The following FHOD3 variants were observed in gnomAD, a reference collection of about 807,000 sequenced individuals.
FHOD3 encodes FH1/FH2 domain-containing protein 3.
In FHOD3, 90 loss-of-function variants were observed where a neutral mutation model predicts 173.0. That is an observed-to-expected ratio of 0.52 (90% CI 0.44 to 0.62). FHOD3 has a LOEUF of 0.62. FHOD3 is among the 20% of genes least tolerant of loss of function. The pLI, the probability that FHOD3 is intolerant of heterozygous loss-of-function variation, is 0.00. For synonymous variants in FHOD3, 828 were observed against 823.0 expected (o/e 1.01, Z -0.10); for missense variants, 1,945 against 2,034.7 (o/e 0.96, Z 0.85).
At chr18:36,694,664 C>T (rs2039157771) in intron 17 of FHOD3, among the ~76,000 whole-genome samples, 4 of 152,162 alleles carry the variant, frequency 2.6e-5, no homozygotes, top group Admixed American at 6.5e-5. Context: ...TGGTTCAGCA[C>T]TTTATCCTGG....
intron 3 of FHOD3, among the ~76,000 whole-genome samples, chr18:36,471,109 G>A (rs1300819860): frequency 6.6e-6 from 1 of 152,190 alleles, no homozygotes; most frequent in Non-Finnish European, 1.5e-5. Context: ...TAAAACAAAA[G>A]GCAGCGGGTA....
At chr18:36,589,525 C>A (rs915103781) in intron 6 of FHOD3, among the ~76,000 whole-genome samples, 2 of 152,162 alleles carry the variant, frequency 1.3e-5, no homozygotes, top group Non-Finnish European at 2.9e-5. Flanking sequence ...AATGCCGGAG[C>A]TGTCCTCTAA....
chr18:36,393,348 A>G (rs2048393115), intron 3 of FHOD3, among the ~76,000 whole-genome samples: 2 of 151,964 alleles, frequency 1.3e-5, no homozygotes, highest in Non-Finnish European at 2.9e-5. Context: ...CCACCTTGAC[A>G]CAATTGACAT....
intron 13 of FHOD3, among the ~76,000 whole-genome samples, chr18:36,656,626 GC>G (rs1307835375): frequency 6.6e-6 from 1 of 152,006 alleles, no homozygotes; most frequent in Admixed American, 6.5e-5. Context: ...TTAAAAAATA[GC>G]CCATTTTTAT....
At chr18:36,485,831 A>G (rs1373678447) in intron 3 of FHOD3, among the ~76,000 whole-genome samples, 1 of 152,196 alleles carries the variant, frequency 6.6e-6, no homozygotes, top group Non-Finnish European at 1.5e-5. Flanking sequence ...GCTGCCCATC[A>G]TAGGACCACA....
chr18:36,349,663 C>A (rs2046027178), intron 1 of FHOD3, among the ~76,000 whole-genome samples: 1 of 152,142 alleles, frequency 6.6e-6, no homozygotes, highest in South Asian at 2.1e-4. Context: ...ATTAAGCTAC[C>A]CCAGTAACAT....
rs35029828 is a variant in FHOD3 at position 36,760,591 on chromosome 18, T to TC, written c.4450-13dup. 5 of 1,545,880 alleles carry TC rather than the reference T, an allele frequency of 3.2e-6. No homozygotes were observed. Among genetic ancestry groups the TC allele is most frequent in the African/African-American group, 1.4e-5 (1 of 72,104 alleles). ...GGGGAGTCTCCCTCACCTGCTAACT[T>TC]CCCCTTGGTTTTGCAGTCTGGCAAG... On this transcript the variant is annotated splice_polypyrimidine_tract_variant and intron_variant, in intron 26 of 28. Transcript: ENST00000590592.
chr18:36,527,495 C>T (rs181507574), intron 5 of FHOD3, among the ~76,000 whole-genome samples: 62 of 152,272 alleles, frequency 4.1e-4, no homozygotes, highest in Middle Eastern at 3.4e-3. Context: ...GTTGTATGAC[C>T]GGGCAGCAAG....
intron 6 of FHOD3, among the ~76,000 whole-genome samples, chr18:36,582,771 C>T (rs75727043): frequency 0.013 from 1,952 of 152,314 alleles, 36 homozygotes; most frequent in African/African-American, 0.044. Flanking sequence ...GTCATTCTTC[C>T]ACAAATCCCA....
chr18:36,323,625 G>T (rs760752840), intron 1 of FHOD3, among the ~76,000 whole-genome samples: 25 of 152,252 alleles, frequency 1.6e-4, no homozygotes, highest in Non-Finnish European at 3.4e-4. Context: ...AGCACAAACT[G>T]CCAAGGCCAC....
intron 5 of FHOD3, among the ~76,000 whole-genome samples, chr18:36,553,137 G>A (rs2057730527): frequency 2.6e-5 from 4 of 152,152 alleles, no homozygotes; most frequent in Admixed American, 6.5e-5. Flanking sequence ...ATTTGCATAT[G>A]TTGAACCAGC....
intron 27 of FHOD3, among the ~76,000 whole-genome samples, chr18:36,768,314 C>T (rs1255213895): frequency 6.6e-6 from 1 of 152,250 alleles, no homozygotes; most frequent in Non-Finnish European, 1.5e-5. Flanking sequence ...AACTGTTTAA[C>T]ACTGCAGTTG....
intron 1 of FHOD3, among the ~76,000 whole-genome samples, chr18:36,299,676 C>G (rs1028115263): frequency 2.0e-5 from 3 of 152,198 alleles, no homozygotes; most frequent in African/African-American, 7.2e-5. Context: ...CCACTGCCCC[C>G]CTCCTCACCC....
chr18:36,565,660 A>G (rs1568434334), intron 5 of FHOD3, among the ~76,000 whole-genome samples: 1 of 152,226 alleles, frequency 6.6e-6, no homozygotes, highest in East Asian at 1.9e-4. Context: ...TTTGGTAGAA[A>G]TAAATAGGAA....
Position 36,681,227 on chromosome 18 carries a change from C to T in FHOD3, c.1836-209C>T, listed in dbSNP as rs687318. Among the ~76,000 whole-genome samples, 70,938 of 151,856 alleles carry T rather than the reference C, an allele frequency of 0.47. 16,769 individuals are homozygous for T. The highest frequency in any genetic ancestry group is 0.65 in the East Asian group (3,375 of 5,172). Reference sequence around the variant, plus strand: ...TATTTTCTGTCTGTTACCACCTTTTCTCCTGCGAGCACACTCACAGTATGA... The same window carrying T: ...TATTTTCTGTCTGTTACCACCTTTTTTCCTGCGAGCACACTCACAGTATGA... On this transcript the variant is annotated intron_variant, in intron 14 of 28. Transcript: ENST00000590592.
intron 10 of FHOD3, among the ~76,000 whole-genome samples, chr18:36,626,853 G>A (rs575044460): frequency 1.4e-4 from 22 of 152,280 alleles, no homozygotes; most frequent in African/African-American, 5.3e-4. Context: ...ACCAAGAGGT[G>A]CCCCAAACAA....
At chr18:36,696,304 A>G (rs1370684115) in intron 17 of FHOD3, among the ~76,000 whole-genome samples, 1 of 152,088 alleles carries the variant, frequency 6.6e-6, no homozygotes, top group African/African-American at 2.4e-5. Context: ...TAACCCTCTC[A>G]CCAACATCTG....
chr18:36,381,964 C>G (rs1235958164), intron 3 of FHOD3, among the ~76,000 whole-genome samples: 1 of 152,112 alleles, frequency 6.6e-6, no homozygotes, highest in Admixed American at 6.5e-5. Context: ...AAGGAAGGCT[C>G]TGGGAGGTGT....
intron 17 of FHOD3, among the ~76,000 whole-genome samples, chr18:36,704,696 C>G (rs991444712): frequency 3.2e-4 from 49 of 152,272 alleles, no homozygotes; most frequent in African/African-American, 1.1e-3. Flanking sequence ...CTCCTGGCCT[C>G]AGCTTTCTGA....
Sources: gnomAD v4.1 joint callset for allele counts (sites outside exome capture counted in the v4.1 genomes callset) on GRCh38, gnomAD v4.1.1 for gene constraint, MANE v1.5 for transcripts, NCBI Gene and HGNC (gene_info 2026-07-23, HGNC 2026-07-21) for gene names.